UBE2E1: variants seen among roughly 807,000 people sequenced by gnomAD.
UBE2E1 encodes the protein ubiquitin conjugating enzyme E2 E1.
Under a neutral mutation model 21.4 loss-of-function variants are expected in UBE2E1, and 6 were observed. The observed-to-expected ratio is 0.28, with a 90% CI of 0.15 to 0.55. The LOEUF (loss-of-function observed/expected upper bound fraction) is 0.55. Among genes scored for constraint, UBE2E1 ranks in the 20% least tolerant of loss-of-function variants. The pLI is 0.93. For missense variants in UBE2E1, 142 were observed against 236.5 expected (o/e 0.60, Z 2.62); for synonymous variants, 87 against 82.7 (o/e 1.05, Z -0.28).
chr3:23,865,626 C>T (rs570089314), intron 3 of UBE2E1, among the ~76,000 whole-genome samples: 1 of 152,258 alleles, frequency 6.6e-6, no homozygotes, highest in Admixed American at 6.5e-5. Flanking sequence ...AGTGCTGGCT[C>T]ACACCTGTGA....
chr3:23,878,975 C>T, intron 3 of UBE2E1: 1 of 443,790 alleles, frequency 2.3e-6, no homozygotes, highest in Non-Finnish European at 4.5e-6. Context: ...AGGTTGTGGA[C>T]TGCTGCTTTA....
intron 3 of UBE2E1, 68 bp downstream of exon 3, chr3:23,811,578 T>C: frequency 6.9e-7 from 1 of 1,444,412 alleles, no homozygotes; most frequent in Non-Finnish European, 9.6e-7. Context: ...TTTTTCTTTT[T>C]ATTATATACT....
chr3:23,881,113 C>T (rs1276449369), intron 3 of UBE2E1, among the ~76,000 whole-genome samples: 1 of 152,168 alleles, frequency 6.6e-6, no homozygotes. Flanking sequence ...TGGAGAGTTT[C>T]CTATCAGTTA....
At chr3:23,841,338 C>T (rs1037636) in intron 3 of UBE2E1, among the ~76,000 whole-genome samples, 138,181 of 152,146 alleles carry the variant, frequency 0.91, 62,975 homozygotes, top group East Asian at 1. Context: ...TGAACTGTGT[C>T]ATTAGAATTT....
chr3:23,865,857 T>TA (rs1396446074), intron 3 of UBE2E1, among the ~76,000 whole-genome samples: 1 of 152,200 alleles, frequency 6.6e-6, no homozygotes, highest in African/African-American at 2.4e-5. Flanking sequence ...CTAGGCTTGT[T>TA]ACGTTTAGGT....
At chr3:23,858,382 T>C (rs565027532) in intron 3 of UBE2E1, among the ~76,000 whole-genome samples, 1 of 152,244 alleles carries the variant, frequency 6.6e-6, no homozygotes, top group South Asian at 2.1e-4. Flanking sequence ...TGCAATGGCA[T>C]GATCTCGGCT....
rs1699290047 is a variant in UBE2E1 at position 23,806,928 on chromosome 3, C to CGCCCT, written c.-33-303_-33-299dup. 5.3e-6 allele frequency: 1 copy of CGCCCT among 187,046 alleles called. No homozygotes were observed. The highest frequency in any genetic ancestry group is 1.8e-4 in the South Asian group (1 of 5,446). The allele number at this position is 187,046 out of a possible 1,614,324, so 11.6% of individuals were successfully genotyped here. A position where few individuals can be genotyped will look rare whatever the true frequency, so the allele number is the denominator to read the frequency against. On this transcript the variant is annotated intron_variant, in intron 1 of 5. Transcript: ENST00000306627. The surrounding 1 kb of genome is among the most constrained non-coding windows in gnomAD (Gnocchi z 6.5). ...CCCCGCCGTGGCGCCCCGCGCCCCC[C>CGCCCT]GCCCTGCCCTCCTTCGCCTCCCGGG...
rs762742534 is a variant in UBE2E1, at chr3:23,889,382, G to A, written c.484+123G>A. On this transcript the variant is annotated intron_variant, in intron 5 of 5. Transcript: ENST00000306627. ...AGTTTGTGAATACAAAAACTAATCG[G>A]CTTTTCAAAAGAAAGTTTTAATCAA... The A allele has an allele frequency of 2.8e-5, 43 of 1,526,006 alleles. 1 individual carries two copies. The South Asian group carries it at 5.2e-4, about 18-fold the overall frequency. The allele number at this position is 1,526,006 out of a possible 1,614,324, so 94.5% of individuals were successfully genotyped here.
intron 3 of UBE2E1, among the ~76,000 whole-genome samples, chr3:23,860,593 G>A (rs1313284711): frequency 3.3e-5 from 5 of 152,124 alleles, no homozygotes; most frequent in African/African-American, 9.7e-5. Context: ...AAAGCTGTGG[G>A]TCCTGGCTCT....
rs556070118 is a variant in UBE2E1, at chr3:23,838,993, T to G, written c.203+27483T>G. On this transcript the variant is annotated intron_variant, in intron 3 of 5. Coordinates refer to ENST00000306627, the MANE Select transcript of UBE2E1 (RefSeq NM_003341.5). ...GAATACATCTTTATAGAATACATCT[T>G]TAGCTTATCACAGACTACGTTCACG... is the stretch of plus-strand genomic sequence containing the variant. Among the ~76,000 whole-genome samples the G allele has an allele frequency of 1.3e-4, 20 of 152,062 alleles. No individual in the cohort carries two copies. In the South Asian group the frequency reaches 4.0e-3, roughly 30 times the overall value.
chr3:23,882,807 G>A (rs1445513338), intron 3 of UBE2E1, among the ~76,000 whole-genome samples: 3 of 152,222 alleles, frequency 2.0e-5, no homozygotes, highest in Admixed American at 6.5e-5. Flanking sequence ...CCTGGGGCCA[G>A]TGGCGCCGGC....
intron 3 of UBE2E1, among the ~76,000 whole-genome samples, chr3:23,854,411 T>C (rs536368587): frequency 1.7e-4 from 26 of 152,168 alleles, no homozygotes; most frequent in Non-Finnish European, 3.5e-4. Flanking sequence ...AGCTATCCTA[T>C]GTGGAGAGCC....
chr3:23,826,547 G>T (rs1273598694), intron 3 of UBE2E1, among the ~76,000 whole-genome samples: 1 of 152,166 alleles, frequency 6.6e-6, no homozygotes, highest in Non-Finnish European at 1.5e-5. Context: ...GGGAACCTCA[G>T]CAGTCTGGGA....
intron 3 of UBE2E1, among the ~76,000 whole-genome samples, chr3:23,850,001 A>G (rs1700287047): frequency 6.6e-6 from 1 of 152,214 alleles, no homozygotes; most frequent in Non-Finnish European, 1.5e-5. Context: ...GTATTTTTCT[A>G]ATAGCAATGA....
chr3:23,871,029 G>T (rs960096446), intron 3 of UBE2E1, among the ~76,000 whole-genome samples: 2 of 152,190 alleles, frequency 1.3e-5, no homozygotes, highest in Admixed American at 6.5e-5. Flanking sequence ...CAAGGCAGAA[G>T]AATTTTTCTT....
chr3:23,807,449 G>A, intron 2 of UBE2E1, 28 bp downstream of exon 2: 2 of 1,595,336 alleles, frequency 1.3e-6, no homozygotes, highest in Non-Finnish European at 1.7e-6. Flanking sequence ...TTTTCCACAG[G>A]CTTCCTATTT....
rs1553637704 is a variant in UBE2E1 at position 23,842,198 on chromosome 3, G to GGGGGGGTGTGTGTGTGTGTGT, written c.203+30689_203+30690insGGGGGTGTGTGTGTGTGTGTG. 9.6e-6 allele frequency among the ~76,000 whole-genome samples: 1 copy of GGGGGGGTGTGTGTGTGTGTGT among 104,284 alleles called. No homozygotes were observed. Among genetic ancestry groups the GGGGGGGTGTGTGTGTGTGTGT allele is most frequent in the African/African-American group, 3.6e-5 (1 of 27,628 alleles). 68.4% of individuals were successfully genotyped at this position (104,284 alleles called of 152,430 possible). A position where few individuals can be genotyped will look rare whatever the true frequency, so the allele number is the denominator to read the frequency against. ...TATGTCATGACCCAGTAAGTGAAGG[G>GGGGGGGTGTGTGTGTGTGTGT]GTGTGTGTGTGTGTGTGTGTGTGTG... is the stretch of plus-strand genomic sequence containing the variant. On this transcript the variant is annotated intron_variant, in intron 3 of 5. Coordinates refer to ENST00000306627, the MANE Select transcript of UBE2E1 (RefSeq NM_003341.5). The surrounding 1 kb of genome is among the most constrained non-coding windows in gnomAD (Gnocchi z 4.6).
intron 3 of UBE2E1, among the ~76,000 whole-genome samples, chr3:23,885,550 A>G (rs1294965722): frequency 6.6e-6 from 1 of 152,180 alleles, no homozygotes; most frequent in Admixed American, 6.5e-5. Context: ...GTATGACTTC[A>G]TGGTGTAGAC....
chr3:23,879,114 A>AT (rs1700980500), intron 3 of UBE2E1: 1 of 527,134 alleles, frequency 1.9e-6, no homozygotes, highest in Non-Finnish European at 3.6e-6. Context: ...TAGCAACTAT[A>AT]AGTAGAGGGA....
Sources: gnomAD v4.1 joint callset for allele counts (sites outside exome capture counted in the v4.1 genomes callset) on GRCh38, gnomAD v4.1.1 for gene constraint, Gnocchi (gnomAD v3.1) non-coding constraint, MANE v1.5 for transcripts, NCBI Gene and HGNC (gene_info 2026-07-23, HGNC 2026-07-21) for gene names.